Variants in PAIP1 observed in about 807,000 individuals in gnomAD.
PAIP1 encodes the protein poly(A) binding protein interacting protein 1, also known as polyadenylate-binding protein-interacting protein 1.
A neutral mutation model predicts 61.3 loss-of-function variants in PAIP1; 16 were observed. That is an observed-to-expected ratio of 0.26 (90% confidence interval 0.18 to 0.40). The LOEUF (loss-of-function observed/expected upper bound fraction) is 0.40, where lower values mean the gene tolerates loss of function less well. PAIP1 is among the 10% of genes least tolerant of loss of function. The pLI, the probability that PAIP1 is intolerant of heterozygous loss-of-function variation, is 1.00. For missense variants in PAIP1, 416 were observed against 600.9 expected (o/e 0.69, Z 3.22); for synonymous variants, 187 against 226.2 (o/e 0.83, Z 1.56).
intron 9 of PAIP1, among the ~76,000 whole-genome samples, chr5:43,532,913 A>AAAATTAAGTTT (rs1405155828): frequency 6.6e-6 from 1 of 152,254 alleles, no homozygotes; most frequent in Non-Finnish European, 1.5e-5. Context: ...ATTTCATACA[A>AAAATTAAGTTT]TCTGATGGAC....
rs34509892 is a variant in PAIP1, at chr5:43,539,452, TACACACACACACAC to T, written c.735-431_735-418del. Among the ~76,000 whole-genome samples, 416 of 148,682 alleles carry T rather than the reference TACACACACACACAC, an allele frequency of 2.8e-3. 8 individuals are homozygous for T. The East Asian group carries it at 0.06, about 21-fold the overall frequency. ...TACAACTTTGAAAAGGATCTTTAAA[TACACACACACACAC>T]ACACACACACACACACACACAACCT... On this transcript the variant is annotated intron_variant, in intron 4 of 10. Transcript: ENST00000306846.
chr5:43,535,433 A>G (rs1747105871), intron 7 of PAIP1, 101 bp downstream of exon 7: 1 of 703,020 alleles, frequency 1.4e-6, no homozygotes, highest in South Asian at 1.6e-5. Flanking sequence ...TCCGTTAGCC[A>G]TCAACTTACC....
chr5:43,540,513 A>G (rs543934362), intron 4 of PAIP1, among the ~76,000 whole-genome samples: 2 of 152,346 alleles, frequency 1.3e-5, no homozygotes, highest in South Asian at 4.1e-4. Flanking sequence ...TTTCAATTAT[A>G]AAAGCAATGT....
At chr5:43,531,693 G>C (rs910778610) in intron 9 of PAIP1, among the ~76,000 whole-genome samples, 1 of 113,952 alleles carries the variant, frequency 8.8e-6, no homozygotes, top group Non-Finnish European at 2.0e-5. Context: ...AAAAAGAAAA[G>C]TGTGTGGAAA....
At chr5:43,543,830 G>A (rs999553545) in intron 3 of PAIP1, among the ~76,000 whole-genome samples, 3 of 152,038 alleles carry the variant, frequency 2.0e-5, no homozygotes, top group African/African-American at 7.2e-5. Flanking sequence ...TCTAATATTA[G>A]GTAAGAAAAC....
intron 1 of PAIP1, 196 bp from the exon 2 acceptor site, chr5:43,556,195 G>A: frequency 1.5e-6 from 2 of 1,348,038 alleles, no homozygotes; most frequent in Non-Finnish European, 1.9e-6. Flanking sequence ...ACTCCGTTAT[G>A]GGCATACCTG....
At chr5:43,539,452 T>TACACACACACAC (rs34509892) in intron 4 of PAIP1, among the ~76,000 whole-genome samples, 68 of 148,684 alleles carry the variant, frequency 4.6e-4, no homozygotes, top group African/African-American at 1.6e-3. Flanking sequence ...GATCTTTAAA[T>TACACACACACAC]ACACACACAC....
chr5:43,549,522 G>A (rs189372698), intron 2 of PAIP1, among the ~76,000 whole-genome samples: 30 of 151,904 alleles, frequency 2.0e-4, no homozygotes, highest in African/African-American at 6.8e-4. Flanking sequence ...CTGCGGCCAC[G>A]TAAGATGTGC....
At chr5:43,535,503 C>T (rs1747108374) in intron 7 of PAIP1, 31 bp downstream of exon 7, 1 of 1,153,180 alleles carries the variant, frequency 8.7e-7, no homozygotes, top group Non-Finnish European at 1.3e-6. Context: ...AATTGAGATG[C>T]ACTGGCTATT....
intron 3 of PAIP1, among the ~76,000 whole-genome samples, chr5:43,547,242 CTTTT>C (rs1269174098): frequency 6.6e-6 from 1 of 151,572 alleles, no homozygotes; most frequent in Non-Finnish European, 1.5e-5. Flanking sequence ...GTTTGGCTTT[CTTTT>C]TTTTAAAGAC....
chr5:43,537,871 G>A (rs750086223), intron 5 of PAIP1, among the ~76,000 whole-genome samples: 3 of 151,886 alleles, frequency 2.0e-5, no homozygotes, highest in Non-Finnish European at 4.4e-5. Flanking sequence ...GTACGTGCCT[G>A]TAATCCCAGC....
In PAIP1 at chr5:43,556,977, G is replaced by A. The variant is rs1237049222; in HGVS notation, c.-131C>T. On this transcript the variant is annotated 5_prime_UTR_variant, in exon 1 of 11. Coordinates refer to ENST00000306846, the MANE Select transcript of PAIP1 (RefSeq NM_006451.5). The stretch of plus-strand genomic sequence containing the variant: ...GGGCCTCATGGAGGAGGAGGGCGGC[G>A]GGCCCCGGCTCGGCTGCTCGGTGCT... 8 of 1,239,812 alleles carry A rather than the reference G, an allele frequency of 6.5e-6. No homozygotes were observed. Among genetic ancestry groups the A allele is most frequent in the Non-Finnish European group, 8.1e-6 (8 of 988,504 alleles). 76.8% of individuals were successfully genotyped at this position (1,239,812 alleles called of 1,614,324 possible).
Position 43,555,820 on chromosome 5 carries a change from G to T in PAIP1, c.435+10C>A. 1 of 1,599,102 alleles carries T rather than the reference G, an allele frequency of 6.3e-7. No homozygotes were observed. Among genetic ancestry groups the T allele is most frequent in the Non-Finnish European group, 8.5e-7 (1 of 1,171,172 alleles). ...TTAACCCAGAGTTGTAGGAAAAAGG[G>T]TGTACTTACTGTGTAACTGGAAGAA... On this transcript the variant is annotated intron_variant, in intron 2 of 10. Transcript: ENST00000306846.
chr5:43,529,142 A>AAT (rs1231163973), intron 10 of PAIP1, among the ~76,000 whole-genome samples: 1 of 151,610 alleles, frequency 6.6e-6, no homozygotes, highest in Non-Finnish European at 1.5e-5. Context: ...AAAAAAAAAA[A>AAT]AGACTCAACA....
chr5:43,556,489 G>A, intron 1 of PAIP1, 93 bp downstream of exon 1: 4 of 1,204,342 alleles, frequency 3.3e-6, no homozygotes, highest in Non-Finnish European at 3.1e-6. Context: ...CGGGGGTGGG[G>A]ACCGCAGACA....
At chr5:43,530,025 A>AT (rs1746876505) in intron 9 of PAIP1, 146 bp from the exon 10 acceptor site, 2 of 593,000 alleles carry the variant, frequency 3.4e-6, no homozygotes, top group Non-Finnish European at 6.0e-6. Context: ...TACTATAGAT[A>AT]TAAGTTGGAA....
At chr5:43,549,824 A>G (rs112604616) in intron 2 of PAIP1, among the ~76,000 whole-genome samples, 13 of 152,254 alleles carry the variant, frequency 8.5e-5, no homozygotes, top group Admixed American at 7.2e-4. Flanking sequence ...GGTTCAAGCA[A>G]TTCTCCTGCC....
intron 9 of PAIP1, among the ~76,000 whole-genome samples, chr5:43,530,174 C>G (rs951669436): frequency 8.5e-5 from 13 of 152,202 alleles, no homozygotes; most frequent in African/African-American, 3.1e-4. Context: ...TAATCAAATA[C>G]TACTGGTTTC....
At chr5:43,544,529 A>C (rs1747553311) in intron 3 of PAIP1, among the ~76,000 whole-genome samples, 1 of 152,212 alleles carries the variant, frequency 6.6e-6, no homozygotes, top group Non-Finnish European at 1.5e-5. Flanking sequence ...CCCAAAGACA[A>C]CCACTTTTGA....
Sources: gnomAD v4.1 joint callset for allele counts (sites outside exome capture counted in the v4.1 genomes callset) on GRCh38, gnomAD v4.1.1 for gene constraint, MANE v1.5 for transcripts, NCBI Gene and HGNC (gene_info 2026-07-23, HGNC 2026-07-21) for gene names.